RNF130: variants seen among roughly 807,000 people sequenced by gnomAD.
RNF130 encodes E3 ubiquitin-protein ligase RNF130.
A neutral mutation model predicts 44.6 loss-of-function variants in RNF130; 21 were observed. The ratio of observed to expected loss-of-function variants is 0.47; its 90% CI spans 0.33 to 0.68. The LOEUF (loss-of-function observed/expected upper bound fraction) is 0.68. RNF130 is among the 30% of genes least tolerant of loss of function. RNF130 has a pLI of 0.02. For missense variants in RNF130, 479 were observed against 560.6 expected, an observed-to-expected ratio of 0.85 and a Z score of 1.47; for synonymous variants, 214 against 210.4, an observed-to-expected ratio of 1.02 and a Z score of -0.15.
chr5:179,958,977 G>A (rs1028535157), intron 8 of RNF130, among the ~76,000 whole-genome samples: 3 of 152,086 alleles, frequency 2.0e-5, no homozygotes, highest in African/African-American at 7.2e-5. Context: ...TACCACGCCA[G>A]GCCACAAAGT....
At chr5:180,058,424 T>C (rs896438275) in intron 1 of RNF130, among the ~76,000 whole-genome samples, 9 of 152,236 alleles carry the variant, frequency 5.9e-5, no homozygotes, top group Non-Finnish European at 1.2e-4. Flanking sequence ...TGAGGACATA[T>C]GCTAAGTGAA....
intron 7 of RNF130, among the ~76,000 whole-genome samples, chr5:179,921,393 C>T (rs1761628937): frequency 6.6e-6 from 1 of 152,246 alleles, no homozygotes; most frequent in Non-Finnish European, 1.5e-5. Context: ...GCTAGAACAT[C>T]TGTGCACATA....
At chr5:179,966,341 G>A (rs1310996508) in intron 7 of RNF130, among the ~76,000 whole-genome samples, 3 of 152,010 alleles carry the variant, frequency 2.0e-5, no homozygotes, top group Non-Finnish European at 2.9e-5. Flanking sequence ...AATAAAGTGC[G>A]CAACAGGCTA....
At chr5:180,012,486 C>T (rs1763615742) in intron 3 of RNF130, among the ~76,000 whole-genome samples, 2 of 152,072 alleles carry the variant, frequency 1.3e-5, no homozygotes, top group African/African-American at 2.4e-5. Context: ...ACTGCTTTTC[C>T]TAGGTTTATT....
intron 3 of RNF130, among the ~76,000 whole-genome samples, chr5:179,998,412 T>A (rs1449648927): frequency 6.6e-6 from 1 of 152,224 alleles, no homozygotes; most frequent in Admixed American, 6.5e-5. Flanking sequence ...CTGATTTCTA[T>A]CTTTATTTCA....
chr5:180,017,462 C>G (rs1763768105), intron 2 of RNF130, among the ~76,000 whole-genome samples: 1 of 152,188 alleles, frequency 6.6e-6, no homozygotes, highest in Non-Finnish European at 1.5e-5. Context: ...CCCCAAAAAC[C>G]TTTCACTCAA....
chr5:180,071,527 C>G lies in RNF130; in HGVS notation c.176G>C (p.Gly59Ala), dbSNP rs767999729. 5.1e-6 allele frequency: 7 copies of G among 1,371,906 alleles called. No individual in the cohort carries two copies. In the Admixed American group the frequency reaches 1.8e-4, roughly 36 times the overall value. The allele number at this position is 1,371,906 out of a possible 1,614,324, so 85.0% of individuals were successfully genotyped here. Residue 59 changes from glycine to alanine, a missense_variant, in exon 1 of 9, where the codon GGG (glycine) becomes GCG (alanine). Around this residue, in one of 3 missense-constraint regions of RNF130, gnomAD observed 138 missense variants for 126.9 expected, o/e 1.09. Transcript: ENST00000521389. ...GAPLTFRIDR[G>A]RYGLDSPKAE... ...CTTGGGGGAGTCAAGCCCGTAGCGCCCGCGGTCGATGCGAAACGTGAGCGG... is the reference window on the plus strand; with the variant it reads ...CTTGGGGGAGTCAAGCCCGTAGCGCGCGCGGTCGATGCGAAACGTGAGCGG...
intron 1 of RNF130, among the ~76,000 whole-genome samples, chr5:180,050,879 C>T (rs1274801915): frequency 6.6e-6 from 1 of 152,164 alleles, no homozygotes; most frequent in East Asian, 1.9e-4. Context: ...ACAATCAGAG[C>T]TCACTGCTCA....
At chr5:180,055,492 CTG>C (rs1213601705) in intron 1 of RNF130, among the ~76,000 whole-genome samples, 1 of 151,462 alleles carries the variant, frequency 6.6e-6, no homozygotes, top group Non-Finnish European at 1.5e-5. Context: ...GCGTATGTGT[CTG>C]TGTGTCTGTC....
rs143529580 is a variant in RNF130, at chr5:180,005,164, G to A, written c.693+7897C>T. Among the ~76,000 whole-genome samples the A allele has an allele frequency of 8.1e-3, 1,236 of 152,150 alleles. 16 individuals are homozygous for A. Among genetic ancestry groups the A allele is most frequent in the African/African-American group, 0.028 (1,168 of 41,530 alleles). On this transcript the variant is annotated intron_variant, in intron 3 of 8. Transcript: ENST00000521389. ...TACTGATGGCCCGGCGTGGTGGCTC[G>A]TGCCTGTAATCCCAGCACTTTGGGA...
rs1762741827 is a variant in RNF130 at position 179,977,580 on chromosome 5, C to T, written c.848+623G>A. ...ATCTTTAAAGAAAACAGGCCGGGTGCGGTGGCTCACGCCTGTAATCCCAGG... is the reference window on the plus strand; with the variant it reads ...ATCTTTAAAGAAAACAGGCCGGGTGTGGTGGCTCACGCCTGTAATCCCAGG... On this transcript the variant is annotated intron_variant, in intron 5 of 8. Coordinates refer to ENST00000521389, the MANE Select transcript of RNF130 (RefSeq NM_018434.6). The surrounding 1 kb of genome is among the most constrained non-coding windows in gnomAD (Gnocchi z 4.1). Among the ~76,000 whole-genome samples the T allele has an allele frequency of 6.6e-6, 1 of 152,136 alleles. No individual in the cohort carries two copies. The highest frequency in any genetic ancestry group is 1.5e-5 in the Non-Finnish European group (1 of 68,020).
intron 7 of RNF130, chr5:179,934,205 C>CA: frequency 5.9e-6 from 1 of 170,134 alleles, no homozygotes; most frequent in Non-Finnish European, 1.3e-5. Context: ...AGCCTGGCGG[C>CA]ATGGAAAGGT....
At chr5:179,956,838 A>C (rs1003311735) in intron 8 of RNF130, among the ~76,000 whole-genome samples, 6 of 152,202 alleles carry the variant, frequency 3.9e-5, no homozygotes, top group Admixed American at 6.5e-5. Flanking sequence ...CCAGGTCTCC[A>C]TTACCTTCAG....
At chr5:179,996,110 T>C (rs1193821794) in intron 3 of RNF130, among the ~76,000 whole-genome samples, 1 of 152,224 alleles carries the variant, frequency 6.6e-6, no homozygotes, top group Non-Finnish European at 1.5e-5. Flanking sequence ...GGATGTCTGT[T>C]TTTGTTTCCT....
chr5:179,933,775 G>GC, intron 7 of RNF130: 1 of 553,594 alleles, frequency 1.8e-6, no homozygotes, highest in Non-Finnish European at 3.3e-6. Flanking sequence ...CACCTAGGCA[G>GC]CATTTTAATT....
intron 2 of RNF130, among the ~76,000 whole-genome samples, chr5:180,039,683 A>G (rs1464320049): frequency 6.6e-6 from 1 of 152,252 alleles, no homozygotes; most frequent in Non-Finnish European, 1.5e-5. Flanking sequence ...TTACACGATG[A>G]AAAGTTAGTT....
At chr5:179,914,602 C>G (rs902586816) in exon 8 of RNF130, 3 of 152,218 alleles carry the variant, frequency 2.0e-5, no homozygotes, top group Non-Finnish European at 2.9e-5. Context: ...GATTCTGCCT[C>G]CAGCGCATGG....
In RNF130 at chr5:180,038,391, A is replaced by G. The variant is rs12654523; in HGVS notation, c.442+2062T>C. On this transcript the variant is annotated intron_variant, in intron 2 of 8. Transcript: ENST00000521389. The stretch of plus-strand genomic sequence containing the variant: ...GTTAGACCCTGTCTCGGGGAGGGGG[A>G]AAAAAAAAAAGCCTGTTTTGTTTTT... 8.3e-4 allele frequency among the ~76,000 whole-genome samples: 81 copies of G among 97,248 alleles called. 1 individual carries two copies. Among genetic ancestry groups the G allele is most frequent in the Admixed American group, 7.6e-3 (66 of 8,684 alleles). 63.8% of individuals were successfully genotyped at this position (97,248 alleles called of 152,430 possible).
chr5:179,928,789 T>C (rs1435581550), intron 7 of RNF130, among the ~76,000 whole-genome samples: 1 of 151,990 alleles, frequency 6.6e-6, no homozygotes, highest in East Asian at 1.9e-4. Flanking sequence ...CCACCACGCC[T>C]GGCTAATTTT....
Sources: allele counts gnomAD v4.1 joint callset (sites outside exome capture counted in the v4.1 genomes callset), GRCh38; gene constraint gnomAD v4.1.1; regional missense constraint gnomAD v4.1.1; non-coding constraint Gnocchi (gnomAD v3.1); transcripts MANE v1.5; gene names NCBI Gene and HGNC (gene_info 2026-07-23, HGNC 2026-07-21).